The following CLNK variants were observed in gnomAD, a reference collection of about 807,000 sequenced individuals.
CLNK encodes cytokine-dependent hematopoietic cell linker.
A neutral mutation model predicts 68.6 loss-of-function variants in CLNK; 74 were observed. That is an observed-to-expected ratio of 1.08 (90% CI 0.89 to 1.31). The LOEUF is 1.31. CLNK is among the 50% of genes most tolerant of loss of function. CLNK has a pLI of 0.00. For synonymous variants in CLNK, 198 were observed against 172.2 expected (o/e 1.15, Z -1.17); for missense variants, 553 against 515.3 (o/e 1.07, Z -0.71).
chr4:10,644,327 C>G (rs145361139), intron 2 of CLNK, among the ~76,000 whole-genome samples: 2 of 152,172 alleles, frequency 1.3e-5, no homozygotes, highest in Non-Finnish European at 1.5e-5. Flanking sequence ...TATTTAGGTG[C>G]CTTCATAATA....
chr4:10,605,266 A>G (rs933259386), intron 2 of CLNK, among the ~76,000 whole-genome samples: 1 of 152,180 alleles, frequency 6.6e-6, no homozygotes. Context: ...ATATGTATAT[A>G]CAGTGACACA....
intron 4 of CLNK, among the ~76,000 whole-genome samples, chr4:10,574,665 T>C (rs1184678502): frequency 6.6e-6 from 1 of 152,134 alleles, no homozygotes; most frequent in Non-Finnish European, 1.5e-5. Flanking sequence ...TTATGCCCAA[T>C]ATCTGCCTCC....
the CLNK span, among the ~76,000 whole-genome samples, chr4:10,706,847 T>C: frequency 6.6e-6 from 1 of 152,166 alleles, no homozygotes; most frequent in African/African-American, 2.4e-5. Context: ...ACCACCCTCT[T>C]GGCCAAAAGG....
intron 3 of CLNK, 139 bp from the exon 4 acceptor site, chr4:10,585,094 C>A: frequency 3.0e-6 from 2 of 672,712 alleles, no homozygotes; most frequent in South Asian, 1.9e-5. Flanking sequence ...CTATTGTAGA[C>A]CTGAAGTCAC....
At chr4:10,629,660 C>T (rs1052418205) in intron 2 of CLNK, among the ~76,000 whole-genome samples, 3 of 152,104 alleles carry the variant, frequency 2.0e-5, no homozygotes, top group African/African-American at 7.2e-5. Flanking sequence ...GTGAGGTCAG[C>T]CCCAAAACCA....
Position 10,513,495 on chromosome 4 carries a change from C to T in CLNK, c.875G>A (p.Arg292Lys), listed in dbSNP as rs1455938088. Residue 292 changes from arginine to lysine, a missense_variant, in exon 16 of 19, where the codon AGA (arginine) becomes AAA (lysine). Arg to Lys is a conservative substitution (Grantham distance 26). Transcript: ENST00000226951. ...ATCAGACCTTTTGGGGAAAGGTGGT[C>T]TCCAGCTTGTGTATTTATAGGGCAG... ...NILPYKYTSW[R>K]PPFPKRSDRK... is the part of the protein sequence containing the mutation. 3.7e-6 allele frequency: 6 copies of T among 1,611,720 alleles called. No homozygotes were observed. The highest frequency in any genetic ancestry group is 5.1e-6 in the Non-Finnish European group (6 of 1,178,962).
intron 15 of CLNK, among the ~76,000 whole-genome samples, chr4:10,520,473 G>A (rs1718011956): frequency 6.6e-6 from 1 of 152,180 alleles, no homozygotes; most frequent in African/African-American, 2.4e-5. Flanking sequence ...TAGGGCAGTT[G>A]AAGAGATGTG....
In CLNK at chr4:10,590,493, T is replaced by A. The variant is rs16870294; in HGVS notation, c.84-5538A>T. Among the ~76,000 whole-genome samples, 1,430 of 152,240 alleles carry A rather than the reference T, an allele frequency of 9.4e-3. 26 individuals are homozygous for A. Among genetic ancestry groups the A allele is most frequent in the East Asian group, 0.065 (335 of 5,156 alleles). Reference sequence around the variant, plus strand: ...CCCCCTTGAGTGTGGTATGCAGTCCTTTGGTTCTCCCCAGGCACCGACTGT... The same window carrying A: ...CCCCCTTGAGTGTGGTATGCAGTCCATTGGTTCTCCCCAGGCACCGACTGT... On this transcript the variant is annotated intron_variant, in intron 3 of 18. Transcript: ENST00000226951.
intron 15 of CLNK, among the ~76,000 whole-genome samples, chr4:10,515,641 C>A (rs1286579933): frequency 1.3e-5 from 2 of 152,196 alleles, no homozygotes; most frequent in African/African-American, 4.8e-5. Context: ...CAAAATCAGA[C>A]TTTGCAAGTG....
the CLNK span, among the ~76,000 whole-genome samples, chr4:10,699,570 T>C: frequency 2.1e-5 from 3 of 141,446 alleles, no homozygotes; most frequent in Admixed American, 2.2e-4. Context: ...TGGAGCACAG[T>C]GGCACCATGT....
chr4:10,682,012 G>A (rs898475152), intron 1 of CLNK, among the ~76,000 whole-genome samples: 1 of 152,088 alleles, frequency 6.6e-6, no homozygotes, highest in Admixed American at 6.6e-5. Flanking sequence ...TTAAAATTAA[G>A]CAGAATAATC....
intron 5 of CLNK, among the ~76,000 whole-genome samples, chr4:10,570,599 G>C (rs1480569534): frequency 6.6e-6 from 1 of 151,970 alleles, no homozygotes; most frequent in Non-Finnish European, 1.5e-5. Context: ...ATGTTTCTGG[G>C]TAAGGGTCCA....
the CLNK span, among the ~76,000 whole-genome samples, chr4:10,731,983 A>G: frequency 6.6e-6 from 1 of 152,166 alleles, no homozygotes; most frequent in African/African-American, 2.4e-5. Flanking sequence ...TTCATGTTGT[A>G]AATGTCCTCA....
At chr4:10,563,909 AAAAAGAAAAG>A (rs371882909) in intron 7 of CLNK, among the ~76,000 whole-genome samples, 1,824 of 152,134 alleles carry the variant, frequency 0.012, 33 homozygotes, top group African/African-American at 0.041. Flanking sequence ...TCCATCTCAA[AAAAAGAAAAG>A]AAAAGAAAAG....
intron 4 of CLNK, among the ~76,000 whole-genome samples, chr4:10,583,633 T>C (rs1720868435): frequency 6.6e-6 from 1 of 152,186 alleles, no homozygotes; most frequent in Non-Finnish European, 1.5e-5. Flanking sequence ...TGCTGCTAAG[T>C]GTTTCTTTCC....
In CLNK at chr4:10,655,330, A is replaced by AGAGAGAGAGAGAG. The variant is rs1355299217; in HGVS notation, c.11+12528_11+12529insCTCTCTCTCTCTC. On this transcript the variant is annotated intron_variant, in intron 2 of 18. Coordinates refer to ENST00000226951, the MANE Select transcript of CLNK (RefSeq NM_052964.4). ...AAGTAATTCCGGCCTAAAACCCCCA[A>AGAGAGAGAGAGAG]AGACAGAGAGAGAGAGAGAGAGAGA... Among the ~76,000 whole-genome samples the AGAGAGAGAGAGAG allele has an allele frequency of 7.4e-4, 58 of 77,880 alleles. 1 individual carries two copies. The highest frequency in any genetic ancestry group is 2.3e-3 in the African/African-American group (56 of 24,070). 51.1% of individuals were successfully genotyped at this position (77,880 alleles called of 152,430 possible). A position where few individuals can be genotyped will look rare whatever the true frequency, so the allele number is the denominator to read the frequency against.
intron 2 of CLNK, among the ~76,000 whole-genome samples, chr4:10,609,860 G>C (rs545041936): frequency 6.6e-6 from 1 of 152,154 alleles, no homozygotes; most frequent in African/African-American, 2.4e-5. Flanking sequence ...AGGAAAATGA[G>C]ATCCTATGAA....
chr4:10,515,213 G>C (rs1384258822), intron 15 of CLNK, among the ~76,000 whole-genome samples: 1 of 152,100 alleles, frequency 6.6e-6, no homozygotes, highest in Non-Finnish European at 1.5e-5. Flanking sequence ...ACTCCAGCCT[G>C]GGCAACAGAG....
chr4:10,695,024 C>A, the CLNK span, among the ~76,000 whole-genome samples: 1 of 152,048 alleles, frequency 6.6e-6, no homozygotes, highest in Non-Finnish European at 1.5e-5. Context: ...TTGACAGAGG[C>A]CTGGCAGGGA....
Sources: gnomAD v4.1 joint callset for allele counts (sites outside exome capture counted in the v4.1 genomes callset) on GRCh38, gnomAD v4.1.1 for gene constraint, MANE v1.5 for transcripts, NCBI Gene and HGNC (gene_info 2026-07-23, HGNC 2026-07-21) for gene names.